TCAF1: variants seen among roughly 807,000 people sequenced by gnomAD.
The protein encoded by TCAF1 is TRPM8 channel associated factor 1, also known as TRPM8 channel-associated factor 1.
In TCAF1, 4 loss-of-function variants were observed where a neutral mutation model predicts 27.3. The ratio of observed to expected loss-of-function variants is 0.15; its 90% CI spans 0.07 to 0.34. The LOEUF (loss-of-function observed/expected upper bound fraction) is 0.34, where lower values mean the gene tolerates loss of function less well. Among genes scored for constraint, TCAF1 ranks in the 10% least tolerant of loss-of-function variants. TCAF1 has a pLI of 1.00. For synonymous variants in TCAF1, 105 were observed against 167.1 expected (o/e 0.63, Z 2.87); for missense variants, 257 against 425.8 (o/e 0.60, Z 3.49).
chr7:143,878,592 T>C (rs1034529667), intron 1 of TCAF1, among the ~76,000 whole-genome samples: 1 of 152,202 alleles, frequency 6.6e-6, no homozygotes, highest in Non-Finnish European at 1.5e-5. Flanking sequence ...GCAAATTACA[T>C]AAGCTCAACG....
At chr7:143,897,176 A>T (rs1485429339) in intron 1 of TCAF1, among the ~76,000 whole-genome samples, 1 of 122,012 alleles carries the variant, frequency 8.2e-6, no homozygotes, top group African/African-American at 3.0e-5. Context: ...ATATATATAT[A>T]TTCATATATA....
intron 1 of TCAF1, among the ~76,000 whole-genome samples, chr7:143,897,175 T>C (rs1486369085): frequency 9.1e-6 from 1 of 109,518 alleles, no homozygotes; most frequent in African/African-American, 3.5e-5. Context: ...TATATATATA[T>C]ATTCATATAT....
chr7:143,879,382 T>C (rs1200129281), intron 1 of TCAF1, among the ~76,000 whole-genome samples: 1 of 152,230 alleles, frequency 6.6e-6, no homozygotes, highest in Non-Finnish European at 1.5e-5. Context: ...GAGATGAAGA[T>C]GAAGAAGACA....
chr7:143,885,103 CCTT>C lies in TCAF1; in HGVS notation c.-14-8484_-14-8482del, dbSNP rs531229647. 7.7e-3 allele frequency: 7,565 copies of C among 985,544 alleles called. 28 individuals are homozygous for C. The highest frequency in any genetic ancestry group is 8.4e-3 in the Non-Finnish European group (7,004 of 830,034). 61.0% of individuals were successfully genotyped at this position (985,544 alleles called of 1,614,324 possible). A position where few individuals can be genotyped will look rare whatever the true frequency, so the allele number is the denominator to read the frequency against. ...CCCCAAGGACCCCGACCCAGTGCCT[CCTT>C]CTCCCACCCGCACCTCAGCGGACTG... On this transcript the variant is annotated intron_variant, in intron 1 of 8. Coordinates refer to ENST00000479870, the MANE Select transcript of TCAF1 (RefSeq NM_014719.3).
chr7:143,900,157 T>C (rs1330860068), intron 1 of TCAF1, among the ~76,000 whole-genome samples: 2 of 152,104 alleles, frequency 1.3e-5, no homozygotes, highest in African/African-American at 2.4e-5. Flanking sequence ...CCCACACAAG[T>C]GTACTTGAAT....
At chr7:143,880,214 C>G (rs535808740) in intron 1 of TCAF1, among the ~76,000 whole-genome samples, 1 of 152,270 alleles carries the variant, frequency 6.6e-6, no homozygotes, top group South Asian at 2.1e-4. Flanking sequence ...GACAATAAAC[C>G]TATGAGATAT....
At chr7:143,894,455 CAA>C (rs1813784759) in intron 1 of TCAF1, among the ~76,000 whole-genome samples, 1 of 151,692 alleles carries the variant, frequency 6.6e-6, no homozygotes, top group Non-Finnish European at 1.5e-5. Context: ...AACATAGATT[CAA>C]AAAGTCTAAT....
intron 1 of TCAF1, among the ~76,000 whole-genome samples, chr7:143,890,964 C>A (rs1440764494): frequency 1.3e-5 from 2 of 151,988 alleles, no homozygotes; most frequent in Non-Finnish European, 2.9e-5. Flanking sequence ...GAGTTTATGC[C>A]CCAACAAAAA....
chr7:143,852,554 C>T lies in TCAF1; in HGVS notation c.*1579G>A, dbSNP rs1428645543. 1.3e-5 allele frequency: 2 copies of T among 152,710 alleles called. No individual in the cohort carries two copies. Among genetic ancestry groups the T allele is most frequent in the Admixed American group, 1.3e-4 (2 of 15,300 alleles). 9.5% of individuals were successfully genotyped at this position (152,710 alleles called of 1,614,324 possible). A position where few individuals can be genotyped will look rare whatever the true frequency, so the allele number is the denominator to read the frequency against. ...CAGAAAATGTCTTCACTTTGATGTT[C>T]TTCTTGACAGTCTGCCTTACTATGA... is the stretch of plus-strand genomic sequence containing the variant. On this transcript the variant is annotated 3_prime_UTR_variant, in exon 9 of 9. Transcript: ENST00000479870.
At chr7:143,882,612 C>T in intron 1 of TCAF1, 1 of 985,562 alleles carries the variant, frequency 1.0e-6, no homozygotes, top group Non-Finnish European at 1.2e-6. Flanking sequence ...CCACGGCGCA[C>T]CCATCGCGCC....
chr7:143,887,386 C>A (rs899122317), intron 1 of TCAF1, among the ~76,000 whole-genome samples: 4 of 152,058 alleles, frequency 2.6e-5, no homozygotes, highest in African/African-American at 9.7e-5. Flanking sequence ...TCTATAATTG[C>A]GTGTTTATGT....
intron 2 of TCAF1, among the ~76,000 whole-genome samples, chr7:143,874,660 T>C (rs1812590620): frequency 6.6e-6 from 1 of 151,618 alleles, no homozygotes; most frequent in African/African-American, 2.4e-5. Context: ...CCACTTTCCT[T>C]TAGAGAGAAA....
chr7:143,859,948 A>ATAT (rs1811845678), intron 6 of TCAF1, among the ~76,000 whole-genome samples: 4 of 64,664 alleles, frequency 6.2e-5, no homozygotes, highest in Non-Finnish European at 1.2e-4. Flanking sequence ...ATTATATAAT[A>ATAT]TATATTACGG....
chr7:143,875,081 A>G (rs1405774965), intron 2 of TCAF1, among the ~76,000 whole-genome samples: 3 of 152,210 alleles, frequency 2.0e-5, no homozygotes, highest in Non-Finnish European at 2.9e-5. Context: ...AGGAGAAGTC[A>G]TAGCTCATTC....
intron 1 of TCAF1, among the ~76,000 whole-genome samples, chr7:143,879,031 GC>G (rs952194913): frequency 6.6e-6 from 1 of 152,146 alleles, no homozygotes; most frequent in Non-Finnish European, 1.5e-5. Context: ...TGCAGAGCTG[GC>G]TGCTCCCTGG....
chr7:143,887,836 C>T (rs1293172293), intron 1 of TCAF1, among the ~76,000 whole-genome samples: 2 of 152,060 alleles, frequency 1.3e-5, no homozygotes, highest in African/African-American at 4.8e-5. Context: ...TGAACTAAGC[C>T]AGAAACAAGA....
intron 1 of TCAF1, among the ~76,000 whole-genome samples, chr7:143,880,057 G>T (rs1812933725): frequency 6.6e-6 from 1 of 152,174 alleles, no homozygotes; most frequent in African/African-American, 2.4e-5. Context: ...ATGATATGCA[G>T]AACATGAAGT....
intron 1 of TCAF1, among the ~76,000 whole-genome samples, chr7:143,881,432 T>C (rs1813014478): frequency 6.6e-6 from 1 of 152,184 alleles, no homozygotes; most frequent in South Asian, 2.1e-4. Context: ...CTGTTTCTTT[T>C]CCTTTCTATA....
intron 1 of TCAF1, among the ~76,000 whole-genome samples, chr7:143,886,072 G>A (rs1181905534): frequency 1.3e-5 from 2 of 152,228 alleles, no homozygotes; most frequent in South Asian, 2.1e-4. Context: ...CCATGGAGCA[G>A]GAACTGGCTT....
Sources: gnomAD v4.1 joint callset for allele counts (sites outside exome capture counted in the v4.1 genomes callset) on GRCh38, gnomAD v4.1.1 for gene constraint, MANE v1.5 for transcripts, NCBI Gene and HGNC (gene_info 2026-07-23, HGNC 2026-07-21) for gene names.